ATRNL1: variants seen among roughly 807,000 people sequenced by gnomAD.
ATRNL1 encodes the protein attractin like 1.
A neutral mutation model predicts 182.7 loss-of-function variants in ATRNL1; 95 were observed. The observed-to-expected ratio is 0.52, with a 90% CI of 0.44 to 0.62. The LOEUF (loss-of-function observed/expected upper bound fraction) is 0.62, where lower values mean the gene tolerates loss of function less well. Ranked by LOEUF, ATRNL1 falls within the 20% of genes least tolerant of loss-of-function variation. The probability of loss-of-function intolerance (pLI) is 0.00; values close to 1 mark genes in which losing one functional copy is unlikely to be tolerated. For missense variants in ATRNL1, 1,471 were observed against 1,679.5 expected (o/e 0.88, Z 2.17); for synonymous variants, 576 against 568.3 (o/e 1.01, Z -0.19).
At chr10:115,847,126 C>T (rs1950947356) in intron 27 of ATRNL1, among the ~76,000 whole-genome samples, 1 of 151,746 alleles carries the variant, frequency 6.6e-6, no homozygotes, top group Admixed American at 6.6e-5. Context: ...AAAGATATGC[C>T]AACCTGATCT....
chr10:115,368,957 G>A (rs997898544), intron 19 of ATRNL1, among the ~76,000 whole-genome samples: 1 of 151,964 alleles, frequency 6.6e-6, no homozygotes, highest in Admixed American at 6.6e-5. Context: ...CAGGTGATCT[G>A]CCTGCCTTGG....
intron 27 of ATRNL1, among the ~76,000 whole-genome samples, chr10:115,729,952 AT>A (rs1278457169): frequency 6.6e-6 from 1 of 151,734 alleles, no homozygotes; most frequent in Admixed American, 6.6e-5. Context: ...TCTCTAAAAG[AT>A]TTTTTTCAAA....
chr10:115,444,777 G>A (rs1565050020), intron 21 of ATRNL1, among the ~76,000 whole-genome samples: 1 of 151,990 alleles, frequency 6.6e-6, no homozygotes, highest in East Asian at 2.0e-4. Context: ...TGTCACCCAG[G>A]AAGGAATACA....
chr10:115,339,923 T>G (rs1554937773), intron 19 of ATRNL1, among the ~76,000 whole-genome samples: 1 of 152,198 alleles, frequency 6.6e-6, no homozygotes, highest in Admixed American at 6.5e-5. Context: ...GATCTTGAAT[T>G]TTATCAAATG....
intron 27 of ATRNL1, among the ~76,000 whole-genome samples, chr10:115,733,901 T>C (rs1196326581): frequency 1.7e-4 from 26 of 152,144 alleles, no homozygotes; most frequent in Admixed American, 1.7e-3. Context: ...TACCCATAAA[T>C]ATTCAGTGCC....
chr10:115,325,345 T>C (rs1018914355), intron 18 of ATRNL1, among the ~76,000 whole-genome samples: 7 of 152,208 alleles, frequency 4.6e-5, no homozygotes, highest in African/African-American at 1.7e-4. Flanking sequence ...CCTGTCGATC[T>C]AACACTCTTT....
At chr10:115,284,389 C>A (rs1331058330) in intron 14 of ATRNL1, among the ~76,000 whole-genome samples, 1 of 152,040 alleles carries the variant, frequency 6.6e-6, no homozygotes, top group Non-Finnish European at 1.5e-5. Flanking sequence ...TTTAAGAAAA[C>A]GTTTGCATTG....
intron 19 of ATRNL1, among the ~76,000 whole-genome samples, chr10:115,368,444 A>C (rs1240661448): frequency 6.6e-6 from 1 of 152,232 alleles, no homozygotes; most frequent in South Asian, 2.1e-4. Flanking sequence ...AGTGAGATGA[A>C]CCCAGTACCT....
intron 26 of ATRNL1, among the ~76,000 whole-genome samples, chr10:115,667,386 T>C (rs1555040012): frequency 6.6e-6 from 1 of 152,190 alleles, no homozygotes; most frequent in Non-Finnish European, 1.5e-5. Flanking sequence ...ATAAGTAATC[T>C]AAGAAGTTCC....
intron 5 of ATRNL1, among the ~76,000 whole-genome samples, chr10:115,148,744 GT>G (rs71010009): frequency 0.06 from 7,004 of 116,694 alleles, 449 homozygotes; most frequent in African/African-American, 0.2. Context: ...GGCCAGATGC[GT>G]TTTTTTTTTT....
At chr10:115,846,421 A>C (rs1252889504) in intron 27 of ATRNL1, among the ~76,000 whole-genome samples, 1 of 152,134 alleles carries the variant, frequency 6.6e-6, no homozygotes. Context: ...GTATTCTAGA[A>C]TATTCTAGGT....
chr10:115,548,191 C>A (rs1852775345), intron 25 of ATRNL1, among the ~76,000 whole-genome samples: 1 of 152,206 alleles, frequency 6.6e-6, no homozygotes, highest in Admixed American at 6.5e-5. Flanking sequence ...TATATACTAT[C>A]TTGAAGGATT....
intron 26 of ATRNL1, among the ~76,000 whole-genome samples, chr10:115,702,359 A>G (rs781891139): frequency 2.0e-5 from 3 of 152,070 alleles, no homozygotes; most frequent in Non-Finnish European, 4.4e-5. Flanking sequence ...TAATTGGAAT[A>G]AGACAAGGAT....
intron 20 of ATRNL1, among the ~76,000 whole-genome samples, chr10:115,418,323 A>G (rs1424710375): frequency 2.0e-5 from 3 of 152,222 alleles, no homozygotes; most frequent in Non-Finnish European, 4.4e-5. Flanking sequence ...AAAATGGAAT[A>G]GAGAGCATCA....
At chr10:115,366,178 C>T (rs1554945859) in intron 19 of ATRNL1, among the ~76,000 whole-genome samples, 1 of 152,096 alleles carries the variant, frequency 6.6e-6, no homozygotes, top group East Asian at 1.9e-4. Context: ...TCACTCAGGA[C>T]TTGCTTTATG....
intron 9 of ATRNL1, among the ~76,000 whole-genome samples, chr10:115,240,786 T>C (rs1413463376): frequency 6.6e-6 from 1 of 152,056 alleles, no homozygotes; most frequent in African/African-American, 2.4e-5. Context: ...TGTGAGCATA[T>C]ATTTATAATA....
chr10:115,572,177 A>T (rs764239502), intron 26 of ATRNL1, among the ~76,000 whole-genome samples: 14 of 152,198 alleles, frequency 9.2e-5, no homozygotes. Context: ...TGTACATTAC[A>T]GTAAATTTTA....
chr10:115,800,931 C>T (rs1285298340), intron 27 of ATRNL1, among the ~76,000 whole-genome samples: 2 of 152,164 alleles, frequency 1.3e-5, no homozygotes, highest in African/African-American at 2.4e-5. Context: ...TTGTAGCAGT[C>T]AGAGCAGGTG....
intron 26 of ATRNL1, among the ~76,000 whole-genome samples, chr10:115,602,972 T>C (rs1166407671): frequency 6.6e-6 from 1 of 152,108 alleles, no homozygotes; most frequent in Non-Finnish European, 1.5e-5. Context: ...TTATAAGGAA[T>C]GTTAAAACAG....
Sources: allele counts gnomAD v4.1 joint callset (sites outside exome capture counted in the v4.1 genomes callset), GRCh38; gene constraint gnomAD v4.1.1; transcripts MANE v1.5; gene names NCBI Gene and HGNC (gene_info 2026-07-23, HGNC 2026-07-21).